Variants in PCDHGA8 observed in about 807,000 individuals in gnomAD.
The protein encoded by PCDHGA8 is protocadherin gamma subfamily A, 8, also known as protocadherin gamma-A8.
PCDHGA8 carries 45 observed loss-of-function variants against 59.2 expected under a neutral mutation model. The observed-to-expected ratio is 0.76, with a 90% CI of 0.60 to 0.98. The LOEUF (loss-of-function observed/expected upper bound fraction) is 0.98. Among genes scored for constraint, PCDHGA8 ranks in the 50% least tolerant of loss-of-function variants. The pLI is 0.00. For missense variants in PCDHGA8, 1,257 were observed against 1,196.2 expected, an observed-to-expected ratio of 1.05 and a Z score of -0.75; for synonymous variants, 531 against 519.0, an observed-to-expected ratio of 1.02 and a Z score of -0.32.
In PCDHGA8 at chr5:141,415,739, GGTTTTT is replaced by G; in HGVS notation, c.2424+20503_2424+20508del. On this transcript the variant is annotated intron_variant, in intron 1 of 3. Coordinates refer to ENST00000398604, the MANE Select transcript of PCDHGA8 (RefSeq NM_032088.2). ...ATGAGTAGAATTTGATGTTTATTAA[GGTTTTT>G]TTTTTTTTTTTTTTTTTTTTTTTTT... is the stretch of plus-strand genomic sequence containing the variant. 1.4e-4 allele frequency: 59 copies of G among 434,890 alleles called. 1 individual carries two copies. The African/African-American group carries it at 1.6e-3, about 12-fold the overall frequency. The allele number at this position is 434,890 out of a possible 1,614,324, so 26.9% of individuals were successfully genotyped here.
At chr5:141,445,207 AAAGT>A (rs1322618652) in intron 1 of PCDHGA8, among the ~76,000 whole-genome samples, 1 of 152,196 alleles carries the variant, frequency 6.6e-6, no homozygotes, top group Non-Finnish European at 1.5e-5. Flanking sequence ...ATGCTTTTGA[AAAGT>A]AAGAGGTGCA....
At chr5:141,420,353 G>C (rs1281948860) in intron 1 of PCDHGA8, 1 of 1,382,260 alleles carries the variant, frequency 7.2e-7, no homozygotes, top group African/African-American at 1.5e-5. Context: ...ATTATTTTAA[G>C]ATTCTAGATA....
At chr5:141,492,091 C>A (rs930375969) in intron 1 of PCDHGA8, among the ~76,000 whole-genome samples, 1 of 152,242 alleles carries the variant, frequency 6.6e-6, no homozygotes, top group South Asian at 2.1e-4. Flanking sequence ...CACGCTTCGC[C>A]GGTCTGTAGA....
chr5:141,478,941 A>G (rs889484528), intron 1 of PCDHGA8: 2 of 589,470 alleles, frequency 3.4e-6, no homozygotes, highest in Non-Finnish European at 5.6e-6. Context: ...TTCTAGGAAT[A>G]CAAAAACTAC....
intron 1 of PCDHGA8, among the ~76,000 whole-genome samples, chr5:141,442,609 TA>T (rs1238913928): frequency 6.6e-6 from 1 of 152,112 alleles, no homozygotes; most frequent in African/African-American, 2.4e-5. Flanking sequence ...GAGATCTCAG[TA>T]AAAAGCATTT....
rs187488785 is a variant in PCDHGA8 at position 141,461,744 on chromosome 5, C to T, written c.2425-33063C>T. 5.9e-5 allele frequency among the ~76,000 whole-genome samples: 9 copies of T among 152,302 alleles called. No individual in the cohort carries two copies. The East Asian group carries it at 1.7e-3, about 29-fold the overall frequency. On this transcript the variant is annotated intron_variant, in intron 1 of 3. Transcript: ENST00000398604. ...GGAGTGCAGTGGCACAATCCCGGCT[C>T]CCAGATTCAAGCGATTCTCCTGCCT...
Position 141,490,748 on chromosome 5 carries a change from C to A in PCDHGA8, c.2425-4059C>A. 3.1e-6 allele frequency: 5 copies of A among 1,614,168 alleles called. No individual in the cohort carries two copies. Among genetic ancestry groups the A allele is most frequent in the Non-Finnish European group, 3.4e-6 (4 of 1,180,006 alleles). ...GGAAATCAGGTTCAGGGAGCCCCAGCCTCCTCCTTTGTGTATGTCAACCCA... is the reference window on the plus strand; with the variant it reads ...GGAAATCAGGTTCAGGGAGCCCCAGACTCCTCCTTTGTGTATGTCAACCCA... On this transcript the variant is annotated intron_variant, in intron 1 of 3. Transcript: ENST00000398604. This position sits in a 1 kb window ranked among gnomAD's most constrained non-coding sequence, Gnocchi z 5.4.
At chr5:141,404,221 T>C (rs1028021504) in intron 1 of PCDHGA8, 2 of 1,613,766 alleles carry the variant, frequency 1.2e-6, no homozygotes, top group Non-Finnish European at 1.7e-6. Context: ...TCACGGTGAC[T>C]GCAACAGACA....
In PCDHGA8 at chr5:141,491,129, C is replaced by T; in HGVS notation, c.2425-3678C>T. On this transcript the variant is annotated intron_variant, in intron 1 of 3. Transcript: ENST00000398604. This position sits in a 1 kb window ranked among gnomAD's most constrained non-coding sequence, Gnocchi z 6.9. Reference sequence around the variant, plus strand: ...TCTACACACACTGGTGAGGTGCGCACAGCCCGGGCCTTACTGGAGGATGAC... The same window carrying T: ...TCTACACACACTGGTGAGGTGCGCATAGCCCGGGCCTTACTGGAGGATGAC... 1.2e-6 allele frequency: 2 copies of T among 1,614,172 alleles called. No individual in the cohort carries two copies. The highest frequency in any genetic ancestry group is 1.7e-6 in the Non-Finnish European group (2 of 1,180,012).
intron 1 of PCDHGA8, among the ~76,000 whole-genome samples, chr5:141,397,331 TA>T (rs1194266776): frequency 2.0e-5 from 3 of 152,214 alleles, no homozygotes; most frequent in Non-Finnish European, 4.4e-5. Flanking sequence ...AAATTATTTT[TA>T]TAAAGAATGT....
chr5:141,414,649 AT>A (rs1410490912), intron 1 of PCDHGA8: 15 of 1,613,914 alleles, frequency 9.3e-6, no homozygotes, highest in Non-Finnish European at 1.3e-5. Context: ...TGCCCAGATT[AT>A]TTACTCCCTG....
At position 141,393,913 on chromosome 5, in the gene PCDHGA8, C is replaced by T. The variant is rs1170452204; in HGVS notation, c.1100C>T (p.Ala367Val). ...AATTCTCTTCCCGGGACAGTAATTG[C>T]CTTCTTGAGTGTGCATGACCAAGAC... ...LENSLPGTVI[A>V]FLSVHDQDSG... The change falls in exon 1 of 4, where the codon GCC becomes GTC. Residue 367 changes from alanine (A) to valine (V), a missense_variant. Coordinates refer to ENST00000398604, the MANE Select transcript of PCDHGA8 (RefSeq NM_032088.2). 3.1e-6 allele frequency: 5 copies of T among 1,613,780 alleles called. No homozygotes were observed. The South Asian group carries it at 3.3e-5, about 11-fold the overall frequency.
At chr5:141,446,202 G>T (rs780900822) in intron 1 of PCDHGA8, among the ~76,000 whole-genome samples, 13 of 152,094 alleles carry the variant, frequency 8.5e-5, no homozygotes, top group Non-Finnish European at 1.8e-4. Context: ...ATATTCCTAG[G>T]TGTCTGAAAA....
In PCDHGA8 at chr5:141,409,864, C is replaced by A. The variant is rs772646188; in HGVS notation, c.2424+14627C>A. The A allele has an allele frequency of 1.9e-6, 3 of 1,612,574 alleles. No individual in the cohort carries two copies. The East Asian group carries it at 6.7e-5, about 36-fold the overall frequency. Reference sequence around the variant, plus strand: ...TGAGCCTGCGCGTGTTGGTGGGAGACCGCAATGACAACGCACCGCGGGTGC... The same window carrying A: ...TGAGCCTGCGCGTGTTGGTGGGAGAACGCAATGACAACGCACCGCGGGTGC... On this transcript the variant is annotated intron_variant, in intron 1 of 3. Transcript: ENST00000398604.
In PCDHGA8 at chr5:141,491,770, G is replaced by A; in HGVS notation, c.2425-3037G>A. 6.4e-7 allele frequency: 1 copy of A among 1,560,888 alleles called. No individual in the cohort carries two copies. Among genetic ancestry groups the A allele is most frequent in the Non-Finnish European group, 8.7e-7 (1 of 1,154,942 alleles). On this transcript the variant is annotated intron_variant, in intron 1 of 3. Coordinates refer to ENST00000398604, the MANE Select transcript of PCDHGA8 (RefSeq NM_032088.2). This position sits in a 1 kb window ranked among gnomAD's most constrained non-coding sequence, Gnocchi z 6.9. ...TGGAGAAGCCGCCCGTCCTCATAAG[G>A]GATTGAACTTGCATCCACTCCTCTC...
chr5:141,497,492 C>G (rs954582026), intron 2 of PCDHGA8, among the ~76,000 whole-genome samples: 1 of 151,628 alleles, frequency 6.6e-6, no homozygotes, highest in Non-Finnish European at 1.5e-5. Flanking sequence ...ACCTCTCTCT[C>G]TCTCCTCTCT....
rs780836649 is a variant in PCDHGA8 at position 141,414,681 on chromosome 5, G to C, written c.2424+19444G>C. 38 of 1,613,836 alleles carry C rather than the reference G, an allele frequency of 2.4e-5. 1 individual carries two copies. The East Asian group carries it at 8.5e-4, about 36-fold the overall frequency. ...CCCTGGCTGAAGACACCATCCAGGG[G>C]GTACCTCTGTCCTCATACATATCCA... On this transcript the variant is annotated intron_variant, in intron 1 of 3. Coordinates refer to ENST00000398604, the MANE Select transcript of PCDHGA8 (RefSeq NM_032088.2).
chr5:141,475,821 G>T, intron 1 of PCDHGA8: 1 of 352,534 alleles, frequency 2.8e-6, no homozygotes, highest in Non-Finnish European at 5.1e-6. Context: ...AGTTCCTGGC[G>T]CTAGCGCGTG....
intron 1 of PCDHGA8, chr5:141,422,963 C>G (rs372620011): frequency 1.1e-5 from 17 of 1,614,238 alleles, no homozygotes; most frequent in Non-Finnish European, 1.4e-5. Context: ...GTGGAGCTGG[C>G]GCCCCGCTCT....
Sources: allele counts gnomAD v4.1 joint callset (sites outside exome capture counted in the v4.1 genomes callset), GRCh38; gene constraint gnomAD v4.1.1; non-coding constraint Gnocchi (gnomAD v3.1); transcripts MANE v1.5; gene names NCBI Gene and HGNC (gene_info 2026-07-23, HGNC 2026-07-21).